CREB5: variants seen among roughly 807,000 people sequenced by gnomAD.
The protein encoded by CREB5 is cyclic AMP-responsive element-binding protein 5.
CREB5 carries 19 observed loss-of-function variants against 57.1 expected under a neutral mutation model. The ratio of observed to expected loss-of-function variants is 0.33; its 90% CI spans 0.23 to 0.49. CREB5 has a LOEUF of 0.49. Ranked by LOEUF, CREB5 falls within the 20% of genes least tolerant of loss-of-function variation. The pLI is 0.99. For synonymous variants in CREB5, 238 were observed against 238.3 expected, an observed-to-expected ratio of 1.00 and a Z score of 0.01; for missense variants, 579 against 671.6, an observed-to-expected ratio of 0.86 and a Z score of 1.52.
At chr7:28,787,688 T>C (rs1468529777) in intron 7 of CREB5, among the ~76,000 whole-genome samples, 2 of 152,156 alleles carry the variant, frequency 1.3e-5, no homozygotes, top group Non-Finnish European at 2.9e-5. Flanking sequence ...CTGAGTAGCT[T>C]GGACTACAGG....
chr7:28,466,319 C>T (rs1034078870), intron 1 of CREB5, among the ~76,000 whole-genome samples: 1 of 151,022 alleles, frequency 6.6e-6, no homozygotes, highest in Admixed American at 6.6e-5. Flanking sequence ...CTCTCATCTG[C>T]TGCAAGGGAA....
rs1317869425 is a variant in CREB5 at position 28,412,597 on chromosome 7, C to G, written c.-318C>G. 7.7e-6 allele frequency: 2 copies of G among 259,440 alleles called. No individual in the cohort carries two copies. Among genetic ancestry groups the G allele is most frequent in the Non-Finnish European group, 1.4e-5 (2 of 138,210 alleles). 16.1% of individuals were successfully genotyped at this position (259,440 alleles called of 1,614,324 possible). A position where few individuals can be genotyped will look rare whatever the true frequency, so the allele number is the denominator to read the frequency against. ...TTCCACAAATTTTTAGTCACATTTT[C>G]CATGTCAGTTAAATCTAGGGAGTTC... On this transcript the variant is annotated 5_prime_UTR_variant, in exon 1 of 11. Coordinates refer to ENST00000357727, the MANE Select transcript of CREB5 (RefSeq NM_182898.4).
At chr7:28,619,585 C>G (rs1370644611) in intron 5 of CREB5, among the ~76,000 whole-genome samples, 1 of 152,172 alleles carries the variant, frequency 6.6e-6, no homozygotes, top group Non-Finnish European at 1.5e-5. Flanking sequence ...GCCTGTATTC[C>G]CAGCTACTTC....
At chr7:28,492,949 T>G (rs1327357169) in intron 2 of CREB5, among the ~76,000 whole-genome samples, 1 of 151,844 alleles carries the variant, frequency 6.6e-6, no homozygotes, top group African/African-American at 2.4e-5. Context: ...CAAAAAATCA[T>G]GTCATATAAA....
intron 7 of CREB5, among the ~76,000 whole-genome samples, chr7:28,739,119 A>G (rs1177792515): frequency 6.6e-6 from 1 of 152,238 alleles, no homozygotes; most frequent in African/African-American, 2.4e-5. Context: ...GGAGGTGTCT[A>G]GAGTGGTTCT....
intron 5 of CREB5, among the ~76,000 whole-genome samples, chr7:28,703,474 T>G (rs767168579): frequency 1.3e-4 from 19 of 151,990 alleles, no homozygotes; most frequent in African/African-American, 2.9e-4. Context: ...GAGAGAGAGA[T>G]ATATGGTTTA....
intron 1 of CREB5, among the ~76,000 whole-genome samples, chr7:28,484,655 G>A (rs1791483147): frequency 1.3e-5 from 2 of 152,162 alleles, no homozygotes; most frequent in Admixed American, 1.3e-4. Context: ...GGGATCCGTG[G>A]CATGTAATAC....
At chr7:28,695,190 G>A (rs1274701394) in intron 5 of CREB5, among the ~76,000 whole-genome samples, 2 of 152,212 alleles carry the variant, frequency 1.3e-5, no homozygotes, top group African/African-American at 4.8e-5. Context: ...TGGCACCATT[G>A]CACTACAGCC....
intron 3 of CREB5, among the ~76,000 whole-genome samples, chr7:28,505,946 A>G (rs1792462912): frequency 6.6e-6 from 1 of 152,216 alleles, no homozygotes; most frequent in Admixed American, 6.5e-5. Context: ...ACAATATTCA[A>G]CAAAACCCAC....
Position 28,412,804 on chromosome 7 carries a change from A to T in CREB5, c.-111A>T, listed in dbSNP as rs1399244944. On this transcript the variant is annotated 5_prime_UTR_variant, in exon 1 of 11. Coordinates refer to ENST00000357727, the MANE Select transcript of CREB5 (RefSeq NM_182898.4). ...ATACTGAGGCAAATACTCAAGACTT[A>T]TTTTCTTCCTAATCTTGCTGGTGAA... is the stretch of plus-strand genomic sequence containing the variant. 1.9e-6 allele frequency: 2 copies of T among 1,030,074 alleles called. No individual in the cohort carries two copies. Among genetic ancestry groups the T allele is most frequent in the Non-Finnish European group, 2.7e-6 (2 of 729,686 alleles). 63.8% of individuals were successfully genotyped at this position (1,030,074 alleles called of 1,614,324 possible). A position where few individuals can be genotyped will look rare whatever the true frequency, so the allele number is the denominator to read the frequency against.
intron 1 of CREB5, among the ~76,000 whole-genome samples, chr7:28,365,887 C>T (rs1786576851): frequency 6.6e-6 from 1 of 152,152 alleles, no homozygotes; most frequent in African/African-American, 2.4e-5. Context: ...GACCATTACA[C>T]ATTTTTAGAA....
intron 4 of CREB5, among the ~76,000 whole-genome samples, chr7:28,549,330 A>T (rs1277677471): frequency 2.0e-5 from 3 of 152,244 alleles, no homozygotes; most frequent in Non-Finnish European, 4.4e-5. Context: ...ATTCTGTGGC[A>T]TCCCTGTGAG....
chr7:28,787,656 G>A (rs1017795505), intron 7 of CREB5, among the ~76,000 whole-genome samples: 7 of 152,188 alleles, frequency 4.6e-5, no homozygotes, highest in African/African-American at 1.7e-4. Context: ...CCTGGATCAA[G>A]CCATCCTCCC....
intron 1 of CREB5, among the ~76,000 whole-genome samples, chr7:28,311,797 G>GT (rs1785282148): frequency 6.6e-6 from 1 of 152,210 alleles, no homozygotes; most frequent in Non-Finnish European, 1.5e-5. Context: ...AAACTAACCA[G>GT]TGCATGGAGT....
chr7:28,665,922 C>T (rs973740512), intron 5 of CREB5, among the ~76,000 whole-genome samples: 3 of 151,880 alleles, frequency 2.0e-5, no homozygotes, highest in South Asian at 2.1e-4. Flanking sequence ...AGAGTGCTGC[C>T]GACACCCTTA....
At chr7:28,652,590 A>T (rs768354700) in intron 5 of CREB5, among the ~76,000 whole-genome samples, 1 of 152,174 alleles carries the variant, frequency 6.6e-6, no homozygotes, top group Non-Finnish European at 1.5e-5. Context: ...TTTGAGCCTT[A>T]GTTTCTCCTT....
chr7:28,634,391 G>A (rs1015285971), intron 5 of CREB5, among the ~76,000 whole-genome samples: 1 of 152,108 alleles, frequency 6.6e-6, no homozygotes, highest in South Asian at 2.1e-4. Context: ...TGTCTATCAT[G>A]TGCTTTACTC....
At chr7:28,559,172 G>A (rs1794982739) in intron 4 of CREB5, among the ~76,000 whole-genome samples, 1 of 152,162 alleles carries the variant, frequency 6.6e-6, no homozygotes, top group Non-Finnish European at 1.5e-5. Flanking sequence ...CGGTTTCCCA[G>A]TCACTTGGAA....
At chr7:28,507,793 G>C in intron 4 of CREB5, 56 bp downstream of exon 4, 2 of 1,550,666 alleles carry the variant, frequency 1.3e-6, no homozygotes, top group Non-Finnish European at 1.8e-6. Context: ...CTTCCACGAG[G>C]AAACTAGGTG....
Sources: gnomAD v4.1 joint callset for allele counts (sites outside exome capture counted in the v4.1 genomes callset) on GRCh38, gnomAD v4.1.1 for gene constraint, MANE v1.5 for transcripts, NCBI Gene and HGNC (gene_info 2026-07-23, HGNC 2026-07-21) for gene names.